Variants in VWA3B observed in about 807,000 individuals in gnomAD.
The protein encoded by VWA3B is von Willebrand factor A domain-containing protein 3B.
In VWA3B, 138 loss-of-function variants were observed where a neutral mutation model predicts 158.3. The observed-to-expected ratio is 0.87, with a 90% CI of 0.76 to 1.00. VWA3B has a LOEUF of 1.00. Ranked by LOEUF, VWA3B falls within the 50% of genes least tolerant of loss-of-function variation. The pLI is 0.00. For missense variants in VWA3B, 1,555 were observed against 1,565.1 expected (o/e 0.99, Z 0.11); for synonymous variants, 596 against 587.3 (o/e 1.01, Z -0.21).
At chr2:98,217,025 T>C in intron 13 of VWA3B, 1 of 1,237,442 alleles carries the variant, frequency 8.1e-7, no homozygotes, top group Non-Finnish European at 1.0e-6. Context: ...CATGCTAAAC[T>C]GGCATGATGT....
chr2:98,292,554 G>A (rs559035667), intron 23 of VWA3B, among the ~76,000 whole-genome samples: 1 of 152,248 alleles, frequency 6.6e-6, no homozygotes, highest in African/African-American at 2.4e-5. Flanking sequence ...CCATTTCTCT[G>A]GGGTGCAGAT....
In VWA3B at chr2:98,250,747, A is replaced by C. The variant is rs558964216; in HGVS notation, c.2792+311A>C. Among the ~76,000 whole-genome samples the C allele has an allele frequency of 2.6e-5, 4 of 152,234 alleles. No homozygotes were observed. The South Asian group carries it at 8.3e-4, about 32-fold the overall frequency. ...AACAATAATTTATTGTACATTTAAAAATAATTAGAAGAGTATAGTTGGAGT... is the reference window on the plus strand; with the variant it reads ...AACAATAATTTATTGTACATTTAAACATAATTAGAAGAGTATAGTTGGAGT... On this transcript the variant is annotated intron_variant, in intron 20 of 27. Transcript: ENST00000477737.
At chr2:98,234,795 A>G in intron 17 of VWA3B, 28 bp downstream of exon 17, 4 of 1,613,858 alleles carry the variant, frequency 2.5e-6, no homozygotes, top group Non-Finnish European at 2.5e-6. Flanking sequence ...TCTGTGGCCA[A>G]CCAGCCTCCC....
intron 19 of VWA3B, among the ~76,000 whole-genome samples, chr2:98,242,713 T>G (rs1275383570): frequency 6.8e-6 from 1 of 146,420 alleles, no homozygotes; most frequent in African/African-American, 2.6e-5. Context: ...TAGTATGCAG[T>G]GCACCCTCAT....
At position 98,125,532 on chromosome 2, in the gene VWA3B, G is replaced by T. The variant is rs1455859614; in HGVS notation, c.703-2707G>T. On this transcript the variant is annotated intron_variant, in intron 5 of 27. Transcript: ENST00000477737. This position sits in a 1 kb window ranked among gnomAD's most constrained non-coding sequence, Gnocchi z 4.1. ...TCATGCTCCACAGGACTGTTGTATT[G>T]AGTGAGATAATTCATTTTAGTTTAT... Among the ~76,000 whole-genome samples the T allele has an allele frequency of 1.3e-5, 2 of 152,206 alleles. No individual in the cohort carries two copies. The highest frequency in any genetic ancestry group is 3.8e-4 in the East Asian group (2 of 5,198).
At chr2:98,147,999 G>A (rs1024852885) in intron 7 of VWA3B, among the ~76,000 whole-genome samples, 1 of 152,070 alleles carries the variant, frequency 6.6e-6, no homozygotes, top group Non-Finnish European at 1.5e-5. Context: ...TGGGAATGAT[G>A]GTTTCCAGCT....
intron 2 of VWA3B, among the ~76,000 whole-genome samples, chr2:98,111,929 C>A (rs1674164094): frequency 6.6e-6 from 1 of 152,036 alleles, no homozygotes; most frequent in Non-Finnish European, 1.5e-5. Context: ...TAATTAGGTT[C>A]TACTTATCAA....
At chr2:98,158,137 G>A (rs1188058646) in intron 7 of VWA3B, among the ~76,000 whole-genome samples, 1 of 152,138 alleles carries the variant, frequency 6.6e-6, no homozygotes, top group African/African-American at 2.4e-5. Context: ...AGGAATGAAT[G>A]TATTAGGTGC....
intron 23 of VWA3B, chr2:98,290,893 A>T: frequency 2.8e-6 from 1 of 351,088 alleles, no homozygotes. Flanking sequence ...ACTGCGTTGC[A>T]TGTATGTAAT....
chr2:98,298,175 G>A, intron 24 of VWA3B, 144 bp downstream of exon 24: 2 of 1,151,932 alleles, frequency 1.7e-6, no homozygotes, highest in South Asian at 2.6e-5. Flanking sequence ...GAAGAACAAT[G>A]GCCCCTGTTC....
intron 3 of VWA3B, among the ~76,000 whole-genome samples, chr2:98,116,602 G>A (rs1202771707): frequency 1.3e-5 from 2 of 152,140 alleles, no homozygotes; most frequent in African/African-American, 4.8e-5. Flanking sequence ...GACCTCCCGG[G>A]TCCGAGCGAT....
At chr2:98,290,024 G>A (rs1414012704) in intron 22 of VWA3B, among the ~76,000 whole-genome samples, 1 of 152,146 alleles carries the variant, frequency 6.6e-6, no homozygotes, top group Non-Finnish European at 1.5e-5. Flanking sequence ...CTTCTATAAT[G>A]TGATTCTCAA....
At chr2:98,187,664 C>CTGTGTGTGTGTGTGTGTG (rs3066239) in intron 9 of VWA3B, among the ~76,000 whole-genome samples, 2 of 141,694 alleles carry the variant, frequency 1.4e-5, no homozygotes, top group African/African-American at 2.7e-5. Context: ...GTCTCTGTGT[C>CTGTGTGTGTGTGTGTGTG]TGTGTGTGTG....
intron 2 of VWA3B, among the ~76,000 whole-genome samples, chr2:98,110,878 G>A (rs1674083904): frequency 6.6e-6 from 1 of 152,206 alleles, no homozygotes; most frequent in Non-Finnish European, 1.5e-5. Context: ...TAGTGAATAA[G>A]TCTCACAAGA....
chr2:98,235,227 A>T (rs753981807), intron 17 of VWA3B, among the ~76,000 whole-genome samples: 1 of 152,094 alleles, frequency 6.6e-6, no homozygotes, highest in African/African-American at 2.4e-5. Flanking sequence ...AAGTTTTGAA[A>T]CGTTTGATGC....
At chr2:98,259,801 T>C (rs573472024) in intron 21 of VWA3B, among the ~76,000 whole-genome samples, 2 of 151,826 alleles carry the variant, frequency 1.3e-5, no homozygotes, top group East Asian at 3.9e-4. Flanking sequence ...TTCCCTCCTT[T>C]TTCTAGGTCC....
chr2:98,294,310 C>G (rs1689671908), intron 23 of VWA3B, among the ~76,000 whole-genome samples: 1 of 151,432 alleles, frequency 6.6e-6, no homozygotes, highest in Non-Finnish European at 1.5e-5. Flanking sequence ...TTCAAAACCT[C>G]CTAAACATTT....
At position 98,248,310 on chromosome 2, in the gene VWA3B, T is replaced by C. The variant is rs374244243; in HGVS notation, c.2674-2008T>C. ...ATTGTTAATTTGCTCAGCTATGATT[T>C]TGGCATTTTTTGGTGTATACTTGGG... On this transcript the variant is annotated intron_variant, in intron 19 of 27. Coordinates refer to ENST00000477737, the MANE Select transcript of VWA3B (RefSeq NM_144992.5). Among the ~76,000 whole-genome samples the C allele has an allele frequency of 7.9e-5, 12 of 152,084 alleles. No homozygotes were observed. The East Asian group carries it at 1.2e-3, about 15-fold the overall frequency.
At chr2:98,244,642 G>T (rs1053694517) in intron 19 of VWA3B, among the ~76,000 whole-genome samples, 2 of 152,136 alleles carry the variant, frequency 1.3e-5, no homozygotes, top group African/African-American at 4.8e-5. Context: ...TTTAATAAAT[G>T]ATTATTTGGG....
Sources: allele counts gnomAD v4.1 joint callset (sites outside exome capture counted in the v4.1 genomes callset), GRCh38; gene constraint gnomAD v4.1.1; non-coding constraint Gnocchi (gnomAD v3.1); transcripts MANE v1.5; gene names NCBI Gene and HGNC (gene_info 2026-07-23, HGNC 2026-07-21).